The following GALNTL6 variants were observed in gnomAD, a reference collection of about 807,000 sequenced individuals.
GALNTL6 encodes polypeptide N-acetylgalactosaminyltransferase like 6, also known as polypeptide N-acetylgalactosaminyltransferase-like 6.
GALNTL6 carries 46 observed loss-of-function variants against 73.7 expected under a neutral mutation model. The ratio of observed to expected loss-of-function variants is 0.62; its 90% CI spans 0.49 to 0.80. GALNTL6 has a LOEUF of 0.80. Ranked by LOEUF, GALNTL6 falls within the 30% of genes least tolerant of loss-of-function variation. GALNTL6 has a pLI of 0.00. For synonymous variants in GALNTL6, 259 were observed against 263.7 expected, an observed-to-expected ratio of 0.98 and a Z score of 0.17; for missense variants, 604 against 755.0, an observed-to-expected ratio of 0.80 and a Z score of 2.34.
intron 2 of GALNTL6, among the ~76,000 whole-genome samples, chr4:172,100,191 T>C (rs556856440): frequency 1.3e-4 from 20 of 152,312 alleles, no homozygotes; most frequent in Admixed American, 1.1e-3. Flanking sequence ...TTTCCTTCCA[T>C]TGATATATTC....
At chr4:172,121,065 A>G (rs1278514065) in intron 2 of GALNTL6, among the ~76,000 whole-genome samples, 3 of 152,132 alleles carry the variant, frequency 2.0e-5, no homozygotes, top group Non-Finnish European at 4.4e-5. Flanking sequence ...CGGCATTGCA[A>G]TGGGAATACA....
chr4:172,284,576 A>G (rs1221744493), intron 3 of GALNTL6, among the ~76,000 whole-genome samples: 9 of 151,998 alleles, frequency 5.9e-5, no homozygotes, highest in Non-Finnish European at 1.0e-4. Context: ...TTGAGTCTTC[A>G]TTAAATTTCT....
chr4:172,826,007 T>A (rs576437155), intron 7 of GALNTL6, among the ~76,000 whole-genome samples: 1 of 152,340 alleles, frequency 6.6e-6, no homozygotes, highest in South Asian at 2.1e-4. Context: ...GGAGCAGGTT[T>A]GAAACATACA....
chr4:171,826,154 ATCT>A (rs970038365), intron 2 of GALNTL6, among the ~76,000 whole-genome samples: 19 of 152,196 alleles, frequency 1.2e-4, no homozygotes, highest in African/African-American at 4.3e-4. Flanking sequence ...GCTTTTTCCA[ATCT>A]TCTTTCTCTC....
At chr4:172,295,248 T>A (rs1277508710) in intron 3 of GALNTL6, among the ~76,000 whole-genome samples, 1 of 151,930 alleles carries the variant, frequency 6.6e-6, no homozygotes, top group Non-Finnish European at 1.5e-5. Flanking sequence ...ATGGCAAAAC[T>A]CTTTCTACTA....
intron 7 of GALNTL6, among the ~76,000 whole-genome samples, chr4:172,815,327 T>A (rs1387490911): frequency 1.3e-5 from 2 of 152,130 alleles, no homozygotes; most frequent in African/African-American, 4.8e-5. Context: ...AATGTAAAAA[T>A]TTTTAAAACA....
At chr4:172,457,061 GA>G (rs894344122) in intron 5 of GALNTL6, among the ~76,000 whole-genome samples, 8 of 152,230 alleles carry the variant, frequency 5.3e-5, no homozygotes, top group African/African-American at 1.9e-4. Context: ...CATTCTTAAA[GA>G]GAAGAATTTT....
chr4:172,107,987 G>C (rs900304534), intron 2 of GALNTL6, among the ~76,000 whole-genome samples: 1 of 152,122 alleles, frequency 6.6e-6, no homozygotes, highest in African/African-American at 2.4e-5. Context: ...TTTTAGTCAA[G>C]GATCTAGTAG....
At chr4:172,480,092 A>G (rs914689521) in intron 5 of GALNTL6, among the ~76,000 whole-genome samples, 1 of 152,202 alleles carries the variant, frequency 6.6e-6, no homozygotes, top group Non-Finnish European at 1.5e-5. Flanking sequence ...TCAAAGACCG[A>G]GGCAGGAAAA....
intron 5 of GALNTL6, among the ~76,000 whole-genome samples, chr4:172,464,460 C>T (rs1253566307): frequency 1.3e-5 from 2 of 152,080 alleles, no homozygotes; most frequent in African/African-American, 4.8e-5. Flanking sequence ...GTAATCCCAG[C>T]ATTTTGGGAG....
At chr4:172,848,755 T>G (rs753503209) in intron 7 of GALNTL6, among the ~76,000 whole-genome samples, 28 of 152,298 alleles carry the variant, frequency 1.8e-4, no homozygotes, top group Middle Eastern at 3.4e-3. Context: ...TTCTTTGGAC[T>G]GCAAGGCAAA....
rs531806823 is a variant in GALNTL6, at chr4:172,979,262, G to C, written c.1371+27004G>C. Among the ~76,000 whole-genome samples the C allele has an allele frequency of 2.0e-4, 31 of 152,206 alleles. No individual in the cohort carries two copies. The South Asian group carries it at 2.9e-3, about 14-fold the overall frequency. ...AAATTATTGATAATGGAAACTTAAAGTACCCCATATCTAAAAGAGAAATAC... is the reference window on the plus strand; with the variant it reads ...AAATTATTGATAATGGAAACTTAAACTACCCCATATCTAAAAGAGAAATAC... On this transcript the variant is annotated intron_variant, in intron 10 of 12. Transcript: ENST00000506823.
chr4:171,954,880 G>A (rs1385794), intron 2 of GALNTL6, among the ~76,000 whole-genome samples: 105,931 of 151,926 alleles, frequency 0.7, 38,544 homozygotes, highest in Non-Finnish European at 0.8. Flanking sequence ...TCCTGCTCTG[G>A]CCATGTAAGG....
At chr4:172,533,791 C>G (rs998437008) in intron 5 of GALNTL6, among the ~76,000 whole-genome samples, 1 of 151,968 alleles carries the variant, frequency 6.6e-6, no homozygotes, top group Non-Finnish European at 1.5e-5. Flanking sequence ...TCCAAGATCC[C>G]AAGAGATTAT....
At chr4:171,854,400 G>C (rs1452120928) in intron 2 of GALNTL6, among the ~76,000 whole-genome samples, 1 of 152,166 alleles carries the variant, frequency 6.6e-6, no homozygotes, top group Non-Finnish European at 1.5e-5. Flanking sequence ...GGCTGCACCA[G>C]TTTCAGTTGT....
Position 172,840,896 on chromosome 4 carries a change from C to T in GALNTL6, c.923+27173C>T, listed in dbSNP as rs73871880. 4.8e-3 allele frequency among the ~76,000 whole-genome samples: 736 copies of T among 152,290 alleles called. 9 individuals carry two copies. Among genetic ancestry groups the T allele is most frequent in the African/African-American group, 0.017 (709 of 41,544 alleles). ...ACTCTTGCTCAAGACATGCCCTCTC[C>T]AGATCAATCCACATCCAAAGATTGA... is the stretch of plus-strand genomic sequence containing the variant. On this transcript the variant is annotated intron_variant, in intron 7 of 12. Coordinates refer to ENST00000506823, the MANE Select transcript of GALNTL6 (RefSeq NM_001034845.3).
At chr4:172,057,724 A>G (rs1473436313) in intron 2 of GALNTL6, among the ~76,000 whole-genome samples, 790 of 70,618 alleles carry the variant, frequency 0.011, 20 homozygotes, top group African/African-American at 0.038. Flanking sequence ...AAAAAAAAAA[A>G]AAAATATATA....
intron 5 of GALNTL6, among the ~76,000 whole-genome samples, chr4:172,716,639 G>T (rs945508212): frequency 1.3e-5 from 2 of 152,244 alleles, no homozygotes; most frequent in East Asian, 3.9e-4. Context: ...TTTTCTGAAC[G>T]CTTAACCTTC....
chr4:172,057,459 C>G (rs1312375249), intron 2 of GALNTL6, among the ~76,000 whole-genome samples: 1 of 151,082 alleles, frequency 6.6e-6, no homozygotes, highest in Non-Finnish European at 1.5e-5. Flanking sequence ...GAGGCCAAAG[C>G]GGGAGGATCA....
Sources: gnomAD v4.1 joint callset for allele counts (sites outside exome capture counted in the v4.1 genomes callset) on GRCh38, gnomAD v4.1.1 for gene constraint, MANE v1.5 for transcripts, NCBI Gene and HGNC (gene_info 2026-07-23, HGNC 2026-07-21) for gene names.